Variants in HNRNPM observed in about 807,000 individuals in gnomAD.
HNRNPM encodes the protein heterogeneous nuclear ribonucleoprotein M.
In HNRNPM, 11 loss-of-function variants were observed where a neutral mutation model predicts 73.1. That is an observed-to-expected ratio of 0.15 (90% CI 0.09 to 0.25). The LOEUF (loss-of-function observed/expected upper bound fraction) is 0.25. Ranked by LOEUF, HNRNPM falls within the 10% of genes least tolerant of loss-of-function variation. The pLI, the probability that HNRNPM is intolerant of heterozygous loss-of-function variation, is 1.00. For missense variants in HNRNPM, 789 were observed against 1,067.9 expected, an observed-to-expected ratio of 0.74 and a Z score of 3.64; for synonymous variants, 407 against 355.2, an observed-to-expected ratio of 1.15 and a Z score of -1.64.
chr19:8,487,167 C>T (rs762773005), intron 15 of HNRNPM, 92 bp downstream of exon 15: 20 of 1,096,906 alleles, frequency 1.8e-5, no homozygotes, highest in Non-Finnish European at 2.4e-5. Context: ...CAGCCCCCTC[C>T]GTCGGCTCAG....
chr19:8,484,247 G>A (rs2145751338), intron 13 of HNRNPM, among the ~76,000 whole-genome samples: 1 of 150,112 alleles, frequency 6.7e-6, no homozygotes, highest in Middle Eastern at 3.4e-3. Flanking sequence ...CACGATCTCG[G>A]CTCACTGTGA....
intron 12 of HNRNPM, 86 bp downstream of exon 12, chr19:8,474,330 A>G (rs1970359236): frequency 1.3e-6 from 1 of 795,100 alleles, no homozygotes. Context: ...GACCCACTGA[A>G]TAAGTGGTTT....
intron 12 of HNRNPM, among the ~76,000 whole-genome samples, chr19:8,481,158 C>CTCCTTTG: frequency 6.6e-6 from 1 of 152,218 alleles, no homozygotes; most frequent in African/African-American, 2.4e-5. Flanking sequence ...GTGCAAACAG[C>CTCCTTTG]TGTACTTGCT....
chr19:8,463,680 C>A lies in HNRNPM; in HGVS notation c.432C>A (p.Val144=). 1 of 1,606,708 alleles carries A rather than the reference C, an allele frequency of 6.2e-7. No homozygotes were observed. The highest frequency in any genetic ancestry group is 1.1e-5 in the South Asian group (1 of 90,850). The change falls in exon 5 of 16, where the codon GTC becomes GTA. Residue 144 remains valine, a synonymous_variant. Transcript: ENST00000325495. ...GTCTGAGCGGAAGACCACTGAAAGT[C>A]AAAGAAGTAAGCTCTTGCTTAACAC... The part of the protein sequence containing the change: ...KHSLSGRPLK[V]KEDPDGEHAR...
intron 1 of HNRNPM, among the ~76,000 whole-genome samples, chr19:8,454,586 C>T (rs931008200): frequency 6.6e-6 from 1 of 151,688 alleles, no homozygotes; most frequent in Non-Finnish European, 1.5e-5. Context: ...GGGTGTATAC[C>T]TAGCAGTGGA....
At chr19:8,482,175 G>C (rs771882882) in intron 12 of HNRNPM, among the ~76,000 whole-genome samples, 20 of 152,232 alleles carry the variant, frequency 1.3e-4, no homozygotes, top group Non-Finnish European at 2.4e-4. Flanking sequence ...ATGTTGGCCA[G>C]GCTGATCCTG....
Position 8,445,111 on chromosome 19 carries a change from GGTGA to G in HNRNPM, c.113+3_113+6del. The G allele has an allele frequency of 7.1e-7, 1 of 1,406,282 alleles. No individual in the cohort carries two copies. The highest frequency in any genetic ancestry group is 9.3e-7 in the Non-Finnish European group (1 of 1,078,672). The allele number at this position is 1,406,282 out of a possible 1,614,324, so 87.1% of individuals were successfully genotyped here. A position where few individuals can be genotyped will look rare whatever the true frequency, so the allele number is the denominator to read the frequency against. Reference sequence around the variant, plus strand: ...GGCAACGGGGCTCCGGGCCCTAAGGGGTGAGTATCCCACGGTCCTTTGCCACGGG... The same window carrying G: ...GGCAACGGGGCTCCGGGCCCTAAGGGGTATCCCACGGTCCTTTGCCACGGG... On this transcript the variant is annotated splice_donor_variant and splice_donor_region_variant and intron_variant, in intron 1 of 15. Transcript: ENST00000325495. LOFTEE classifies it high-confidence loss of function.
intron 6 of HNRNPM, among the ~76,000 whole-genome samples, chr19:8,465,723 T>C (rs1969698129): frequency 6.6e-6 from 1 of 152,232 alleles, no homozygotes; most frequent in Admixed American, 6.5e-5. Context: ...GGGGCTGTGA[T>C]TCCTGAGTTT....
chr19:8,488,904 T>C lies in HNRNPM; in HGVS notation c.*50T>C. 6.7e-7 allele frequency: 1 copy of C among 1,494,090 alleles called. No individual in the cohort carries two copies. Among genetic ancestry groups the C allele is most frequent in the Non-Finnish European group, 9.1e-7 (1 of 1,098,256 alleles). 92.6% of individuals were successfully genotyped at this position (1,494,090 alleles called of 1,614,324 possible). Reference sequence around the variant, plus strand: ...TACGAGACCTCTGAATTTGTATTTTTTCTTGTTAACCATTTTAATTTGTTG... The same window carrying C: ...TACGAGACCTCTGAATTTGTATTTTCTCTTGTTAACCATTTTAATTTGTTG... On this transcript the variant is annotated 3_prime_UTR_variant, in exon 16 of 16. Coordinates refer to ENST00000325495, the MANE Select transcript of HNRNPM (RefSeq NM_005968.5).
At chr19:8,466,544 C>T (rs947100208) in intron 7 of HNRNPM, among the ~76,000 whole-genome samples, 156 bp downstream of exon 7, 2 of 151,650 alleles carry the variant, frequency 1.3e-5, no homozygotes, top group Non-Finnish European at 2.9e-5. Flanking sequence ...TTCTCTGGGC[C>T]GGACCGGTCA....
intron 11 of HNRNPM, 58 bp from the exon 12 acceptor site, chr19:8,474,109 C>A (rs949646402): frequency 1.6e-6 from 2 of 1,253,490 alleles, no homozygotes; most frequent in Admixed American, 5.1e-5. Context: ...ATTTTTCTTT[C>A]CCTGCTTAGT....
At chr19:8,481,291 C>T (rs1236405785) in intron 12 of HNRNPM, among the ~76,000 whole-genome samples, 1 of 152,166 alleles carries the variant, frequency 6.6e-6, no homozygotes, top group Non-Finnish European at 1.5e-5. Flanking sequence ...CTAGTGAGGA[C>T]GCTGGTGGAG....
chr19:8,459,565 C>T (rs1969258633), intron 2 of HNRNPM, among the ~76,000 whole-genome samples: 1 of 152,016 alleles, frequency 6.6e-6, no homozygotes, highest in African/African-American at 2.4e-5. Context: ...CTTTCAAGTC[C>T]CCCCAACTCC....
At chr19:8,446,261 T>G (rs1968178316) in intron 1 of HNRNPM, among the ~76,000 whole-genome samples, 2 of 152,302 alleles carry the variant, frequency 1.3e-5, no homozygotes, top group Non-Finnish European at 2.9e-5. Flanking sequence ...GTCCAGAACT[T>G]TTTCATCATC....
At chr19:8,445,900 G>A (rs189421490) in intron 1 of HNRNPM, among the ~76,000 whole-genome samples, 194 of 152,380 alleles carry the variant, frequency 1.3e-3, no homozygotes, top group African/African-American at 4.4e-3. Context: ...GTTCTGTCAG[G>A]AGGCGGGTTC....
chr19:8,485,767 G>T lies in HNRNPM; in HGVS notation c.1339G>T (p.Val447Leu), dbSNP rs781330487. Residue 447 changes from valine to leucine, a missense_variant, in exon 14 of 16, where the codon GTG becomes TTG. Val to Leu is a conservative substitution (Grantham distance 32). Coordinates refer to ENST00000325495, the MANE Select transcript of HNRNPM (RefSeq NM_005968.5). ...CCTGGTCATGGACCGCATGGGCTCC[G>T]TGGAGCGCATGGGCTCCGGCATTGA... ...MGLVMDRMGS[V>L]ERMGSGIERM... The T allele has an allele frequency of 1.2e-6, 2 of 1,604,472 alleles. No individual in the cohort carries two copies. The highest frequency in any genetic ancestry group is 8.5e-7 in the Non-Finnish European group (1 of 1,179,062).
rs564138793 is a variant in HNRNPM, at chr19:8,488,581, A to G, written c.2030-110A>G. 10 of 925,824 alleles carry G rather than the reference A, an allele frequency of 1.1e-5. No individual in the cohort carries two copies. The East Asian group carries it at 2.3e-4, about 22-fold the overall frequency. 57.4% of individuals were successfully genotyped at this position (925,824 alleles called of 1,614,324 possible). A position where few individuals can be genotyped will look rare whatever the true frequency, so the allele number is the denominator to read the frequency against. On this transcript the variant is annotated intron_variant, in intron 15 of 15. Coordinates refer to ENST00000325495, the MANE Select transcript of HNRNPM (RefSeq NM_005968.5). ...CGTAGTCATTGGTTCTCGCCATTGT[A>G]TTCTGAGCCTTTGTGCTCTAGGCTT...
At chr19:8,447,300 C>G (rs1038251915) in intron 1 of HNRNPM, among the ~76,000 whole-genome samples, 1 of 141,184 alleles carries the variant, frequency 7.1e-6, no homozygotes, top group Non-Finnish European at 1.5e-5. Context: ...AAGGAAATCT[C>G]TTTAGAAGCC....
At chr19:8,483,869 G>A (rs925068498) in intron 13 of HNRNPM, among the ~76,000 whole-genome samples, 6 of 152,152 alleles carry the variant, frequency 3.9e-5, no homozygotes, top group African/African-American at 1.4e-4. Flanking sequence ...AGGCCTAAGC[G>A]ATTCTCCCAC....
Sources: gnomAD v4.1 joint callset for allele counts (sites outside exome capture counted in the v4.1 genomes callset) on GRCh38, gnomAD v4.1.1 for gene constraint, MANE v1.5 for transcripts, NCBI Gene and HGNC (gene_info 2026-07-23, HGNC 2026-07-21) for gene names.